Variants in GRIP1 observed in about 807,000 individuals in gnomAD.
GRIP1 encodes glutamate receptor interacting protein 1, also known as glutamate receptor-interacting protein 1.
Under a neutral mutation model 129.9 loss-of-function variants are expected in GRIP1, and 45 were observed. The ratio of observed to expected loss-of-function variants is 0.35; its 90% CI spans 0.27 to 0.44. GRIP1 has a LOEUF of 0.44. GRIP1 is among the 20% of genes least tolerant of loss of function. The probability of loss-of-function intolerance (pLI) is 1.00; values close to 1 mark genes in which losing one functional copy is unlikely to be tolerated. For missense variants in GRIP1, 1,196 were observed against 1,396.8 expected, an observed-to-expected ratio of 0.86 and a Z score of 2.29; for synonymous variants, 530 against 520.8, an observed-to-expected ratio of 1.02 and a Z score of -0.24.
At chr12:66,768,661 T>C (rs2037721219) in intron 1 of GRIP1, among the ~76,000 whole-genome samples, 3 of 152,238 alleles carry the variant, frequency 2.0e-5, no homozygotes, top group Admixed American at 2.0e-4. Context: ...AAGGATATAC[T>C]ATGTAAAATA....
chr12:66,753,459 G>A (rs2037191814), intron 1 of GRIP1, among the ~76,000 whole-genome samples: 1 of 152,160 alleles, frequency 6.6e-6, no homozygotes, highest in Admixed American at 6.6e-5. Flanking sequence ...TTCCACCACT[G>A]CTGACCTGCT....
At chr12:67,027,866 G>A (rs2042962951) in intron 1 of GRIP1, among the ~76,000 whole-genome samples, 1 of 152,172 alleles carries the variant, frequency 6.6e-6, no homozygotes, top group South Asian at 2.1e-4. Context: ...GAAACCTCTA[G>A]AAGCATTTAA....
chr12:66,927,305 T>C (rs1421932182), intron 1 of GRIP1, among the ~76,000 whole-genome samples: 1 of 152,124 alleles, frequency 6.6e-6, no homozygotes, highest in Non-Finnish European at 1.5e-5. Context: ...TGTGGTATGC[T>C]CAGTGTGTGT....
At chr12:66,559,631 T>C (rs73125063) in intron 2 of GRIP1, among the ~76,000 whole-genome samples, 16,884 of 152,130 alleles carry the variant, frequency 0.11, 1,054 homozygotes, top group Middle Eastern at 0.18. Context: ...GAAAGGTCTT[T>C]ACAATGAAAA....
At chr12:66,771,132 G>A in intron 1 of GRIP1, among the ~76,000 whole-genome samples, 1 of 152,014 alleles carries the variant, frequency 6.6e-6, no homozygotes, top group Non-Finnish European at 1.5e-5. Flanking sequence ...TCAGCAGTTG[G>A]CCTATATGTT....
chr12:66,554,241 CCACA>C (rs2062240289), intron 2 of GRIP1, among the ~76,000 whole-genome samples: 1 of 152,118 alleles, frequency 6.6e-6, no homozygotes, highest in Non-Finnish European at 1.5e-5. Flanking sequence ...AGAGAGGGCA[CCACA>C]CAAAGTTGGG....
chr12:66,574,821 C>T (rs55639749), intron 2 of GRIP1, among the ~76,000 whole-genome samples: 35,360 of 147,338 alleles, frequency 0.24, 4,432 homozygotes, highest in Admixed American at 0.27. Context: ...CTCGCTCTGT[C>T]GCCGCCCTGG....
chr12:66,866,357 C>T (rs1252265), intron 1 of GRIP1, among the ~76,000 whole-genome samples: 52,247 of 151,816 alleles, frequency 0.34, 9,281 homozygotes, highest in African/African-American at 0.39. Context: ...CCTGTAGTCC[C>T]ACTTACTTGG....
intron 1 of GRIP1, among the ~76,000 whole-genome samples, chr12:66,612,912 T>A (rs2064869911): frequency 6.6e-6 from 1 of 152,176 alleles, no homozygotes. Context: ...AAGAATGTTC[T>A]TCTTCATATG....
chr12:66,747,205 T>A (rs1235565547), intron 1 of GRIP1, among the ~76,000 whole-genome samples: 6 of 152,010 alleles, frequency 3.9e-5, no homozygotes, highest in Admixed American at 3.3e-4. Context: ...CTAGAAAGAA[T>A]ATAAGGGATT....
At chr12:67,017,717 T>C (rs773738501) in intron 1 of GRIP1, among the ~76,000 whole-genome samples, 5 of 151,548 alleles carry the variant, frequency 3.3e-5, no homozygotes, top group Admixed American at 6.6e-5. Context: ...CTTCTGCTTT[T>C]GCTCTTGGAA....
intron 1 of GRIP1, among the ~76,000 whole-genome samples, chr12:66,672,619 T>C (rs1204403257): frequency 6.6e-6 from 1 of 152,018 alleles, no homozygotes; most frequent in Non-Finnish European, 1.5e-5. Context: ...CTCATGTATA[T>C]GGGCAAAAAA....
intron 1 of GRIP1, among the ~76,000 whole-genome samples, chr12:66,877,012 A>C (rs1256322889): frequency 6.6e-6 from 1 of 152,060 alleles, no homozygotes; most frequent in African/African-American, 2.4e-5. Flanking sequence ...CCAGGAATGC[A>C]GCCTCAATAT....
At chr12:67,000,722 G>A (rs1182407939) in intron 1 of GRIP1, among the ~76,000 whole-genome samples, 3 of 152,192 alleles carry the variant, frequency 2.0e-5, no homozygotes, top group African/African-American at 7.2e-5. Flanking sequence ...GTTGAAAGGA[G>A]CTGTTACAAT....
At chr12:67,017,817 C>T (rs540166638) in intron 1 of GRIP1, among the ~76,000 whole-genome samples, 23 of 152,258 alleles carry the variant, frequency 1.5e-4, no homozygotes, top group Non-Finnish European at 2.4e-4. Flanking sequence ...CTGGGGTGCC[C>T]GTTATATGAA....
At chr12:66,688,048 G>A (rs2034846232) in intron 1 of GRIP1, among the ~76,000 whole-genome samples, 1 of 152,192 alleles carries the variant, frequency 6.6e-6, no homozygotes. Flanking sequence ...GAGGAAAATA[G>A]AGTCGAGGGA....
intron 19 of GRIP1, among the ~76,000 whole-genome samples, chr12:66,387,573 G>A (rs78963475): frequency 0.011 from 1,701 of 152,240 alleles, 38 homozygotes; most frequent in African/African-American, 0.039. Flanking sequence ...AAAACAAAGC[G>A]ATAGCAGATG....
chr12:66,355,283 G>A (rs997910745), intron 23 of GRIP1, among the ~76,000 whole-genome samples: 13 of 151,932 alleles, frequency 8.6e-5, no homozygotes, highest in Non-Finnish European at 1.8e-4. Context: ...TTTAGGGACT[G>A]AGGATATTTT....
chr12:67,016,312 A>C (rs187550597), intron 1 of GRIP1, among the ~76,000 whole-genome samples: 50 of 152,320 alleles, frequency 3.3e-4, no homozygotes, highest in Non-Finnish European at 4.7e-4. Flanking sequence ...AGATAGACAG[A>C]CAACCAAATA....
Sources: allele counts gnomAD v4.1 joint callset (sites outside exome capture counted in the v4.1 genomes callset), GRCh38; gene constraint gnomAD v4.1.1; transcripts MANE v1.5; gene names NCBI Gene and HGNC (gene_info 2026-07-23, HGNC 2026-07-21).